NFXL1: variants seen among roughly 807,000 people sequenced by gnomAD.
NFXL1 encodes nuclear transcription factor, X-box binding like 1.
Under a neutral mutation model 123.3 loss-of-function variants are expected in NFXL1, and 66 were observed. The observed-to-expected ratio is 0.54, with a 90% CI of 0.44 to 0.66. The LOEUF is 0.66. NFXL1 is among the 30% of genes least tolerant of loss of function. The pLI, the probability that NFXL1 is intolerant of heterozygous loss-of-function variation, is 0.00. For synonymous variants in NFXL1, 346 were observed against 360.8 expected, an observed-to-expected ratio of 0.96 and a Z score of 0.46; for missense variants, 944 against 1,125.6, an observed-to-expected ratio of 0.84 and a Z score of 2.31.
chr4:47,870,808 G>A (rs1466882445), intron 18 of NFXL1, among the ~76,000 whole-genome samples: 3 of 151,972 alleles, frequency 2.0e-5, no homozygotes, highest in African/African-American at 7.3e-5. Context: ...TACAAGATGA[G>A]CCTGGGCCAT....
At chr4:47,901,556 A>G (rs1737357111) in intron 5 of NFXL1, among the ~76,000 whole-genome samples, 1 of 152,242 alleles carries the variant, frequency 6.6e-6, no homozygotes, top group Admixed American at 6.5e-5. Context: ...CCACCAGTAA[A>G]TAATATGCAG....
chr4:47,877,888 G>A (rs1161745457), intron 17 of NFXL1, among the ~76,000 whole-genome samples: 2 of 151,930 alleles, frequency 1.3e-5, no homozygotes, highest in East Asian at 1.9e-4. Context: ...ACTCCCTACA[G>A]AACGGAAGTC....
At chr4:47,849,467 G>A (rs1207703733) in intron 22 of NFXL1, among the ~76,000 whole-genome samples, 3 of 152,004 alleles carry the variant, frequency 2.0e-5, no homozygotes, top group African/African-American at 4.8e-5. Context: ...TTTAATAGGA[G>A]GAAATGTAAA....
intron 12 of NFXL1, among the ~76,000 whole-genome samples, chr4:47,886,538 T>C (rs533587947): frequency 6.6e-6 from 1 of 152,150 alleles, no homozygotes; most frequent in East Asian, 1.9e-4. Context: ...CAGCTAATTT[T>C]TGATTATTTA....
intron 18 of NFXL1, among the ~76,000 whole-genome samples, chr4:47,871,872 T>C (rs1323526881): frequency 6.6e-6 from 1 of 152,178 alleles, no homozygotes; most frequent in African/African-American, 2.4e-5. Flanking sequence ...AATGTAATTA[T>C]GCTAAAAAAT....
At chr4:47,903,688 C>T (rs375907582) in intron 4 of NFXL1, among the ~76,000 whole-genome samples, 1 of 152,010 alleles carries the variant, frequency 6.6e-6, no homozygotes, top group South Asian at 2.1e-4. Context: ...TATAGCTATA[C>T]ATTACACCAT....
intron 2 of NFXL1, among the ~76,000 whole-genome samples, chr4:47,912,614 C>A (rs1469894826): frequency 4.7e-5 from 7 of 149,758 alleles, no homozygotes; most frequent in South Asian, 2.1e-4. Context: ...GCCTGCCACC[C>A]CGCCCGGCTA....
chr4:47,862,238 A>T (rs2110044078), intron 19 of NFXL1, among the ~76,000 whole-genome samples: 1 of 152,338 alleles, frequency 6.6e-6, no homozygotes, highest in Middle Eastern at 3.4e-3. Context: ...GTTTGAATAA[A>T]ATGCTTAGAC....
chr4:47,868,207 T>C (rs1735212969), intron 18 of NFXL1, among the ~76,000 whole-genome samples: 1 of 151,742 alleles, frequency 6.6e-6, no homozygotes, highest in African/African-American at 2.4e-5. Flanking sequence ...TAGTCCCAGC[T>C]ACGCGGGAGG....
At chr4:47,885,139 TTAAA>T (rs1736349171) in intron 14 of NFXL1, among the ~76,000 whole-genome samples, 1 of 148,752 alleles carries the variant, frequency 6.7e-6, no homozygotes. Flanking sequence ...AAAAAAAAAA[TTAAA>T]TAACTAAAAA....
chr4:47,887,031 A>T (rs1736475571), intron 12 of NFXL1, among the ~76,000 whole-genome samples: 1 of 152,154 alleles, frequency 6.6e-6, no homozygotes, highest in Non-Finnish European at 1.5e-5. Context: ...TCTTCTAAAC[A>T]TAAAAAAAAA....
intron 19 of NFXL1, among the ~76,000 whole-genome samples, chr4:47,858,186 A>T (rs1310742052): frequency 6.6e-6 from 1 of 152,196 alleles, no homozygotes; most frequent in Non-Finnish European, 1.5e-5. Context: ...AGATGCAAAA[A>T]GACTGGCAAA....
intron 6 of NFXL1, 32 bp from the exon 7 acceptor site, chr4:47,899,152 A>AG (rs1486848970): frequency 2.6e-6 from 4 of 1,537,764 alleles, no homozygotes; most frequent in African/African-American, 2.8e-5. Flanking sequence ...AAAAAAAAAA[A>AG]AAAAAAAATC....
intron 10 of NFXL1, among the ~76,000 whole-genome samples, chr4:47,895,956 A>C (rs1472612552): frequency 6.6e-6 from 1 of 152,214 alleles, no homozygotes; most frequent in Non-Finnish European, 1.5e-5. Context: ...TAGAGTTATC[A>C]ATTGGCCTAA....
chr4:47,877,304 C>T (rs1205836740), intron 17 of NFXL1: 5 of 383,170 alleles, frequency 1.3e-5, no homozygotes, highest in Non-Finnish European at 2.6e-5. Flanking sequence ...CTTCCAATAT[C>T]AAGTTCTATC....
At chr4:47,863,525 T>C (rs1448472659) in intron 18 of NFXL1, among the ~76,000 whole-genome samples, 2 of 151,882 alleles carry the variant, frequency 1.3e-5, no homozygotes, top group African/African-American at 4.8e-5. Flanking sequence ...CCACTAAAAA[T>C]ACAAAAATTA....
At chr4:47,903,546 T>G (rs1418149628) in intron 4 of NFXL1, among the ~76,000 whole-genome samples, 1 of 152,170 alleles carries the variant, frequency 6.6e-6, no homozygotes, top group Non-Finnish European at 1.5e-5. Flanking sequence ...TTCATTCAGC[T>G]AGAAATAATT....
In NFXL1 at chr4:47,890,643, T is replaced by A. The variant is rs2110087379; in HGVS notation, c.1513A>T (p.Asn505Tyr). 6.2e-7 allele frequency: 1 copy of A among 1,608,614 alleles called. No homozygotes were observed. Among genetic ancestry groups the A allele is most frequent in the African/African-American group, 1.3e-5 (1 of 74,912 alleles). The change falls in exon 12 of 23, where the codon AAC becomes TAC. Residue 505 changes from asparagine (N) to tyrosine (Y), a missense_variant. By Grantham distance (143) the Asn-to-Tyr change is moderately radical (BLOSUM62 -2). Transcript: ENST00000507489. Reference sequence around the variant, plus strand: ...TGACAGACAGATGGACACTTATGGTTTCTACATCCTAAAGTCCGTCCACAG... The same window carrying A: ...TGACAGACAGATGGACACTTATGGTATCTACATCCTAAAGTCCGTCCACAG... ...QNCGRTLGCR[N>Y]HKCPSVCHRG... is the part of the protein sequence containing the mutation.
chr4:47,857,958 G>A (rs544777394), intron 19 of NFXL1, among the ~76,000 whole-genome samples: 4 of 152,236 alleles, frequency 2.6e-5, no homozygotes, highest in Non-Finnish European at 5.9e-5. Flanking sequence ...GCTCCCCAAT[G>A]TCTTCCATAT....
Sources: allele counts gnomAD v4.1 joint callset (sites outside exome capture counted in the v4.1 genomes callset), GRCh38; gene constraint gnomAD v4.1.1; transcripts MANE v1.5; gene names NCBI Gene and HGNC (gene_info 2026-07-23, HGNC 2026-07-21).